Variants in NFIC observed in about 807,000 individuals in gnomAD.
NFIC encodes nuclear factor 1 C-type.
NFIC carries 12 observed loss-of-function variants against 54.4 expected under a neutral mutation model. The ratio of observed to expected loss-of-function variants is 0.22; its 90% CI spans 0.14 to 0.36. NFIC has a LOEUF of 0.36. NFIC is among the 10% of genes least tolerant of loss of function. The pLI, the probability that NFIC is intolerant of heterozygous loss-of-function variation, is 1.00. For missense variants in NFIC, 575 were observed against 718.2 expected, an observed-to-expected ratio of 0.80 and a Z score of 2.28; for synonymous variants, 322 against 319.2, an observed-to-expected ratio of 1.01 and a Z score of -0.09.
At chr19:3,383,670 G>A (rs2145481064) in intron 2 of NFIC, among the ~76,000 whole-genome samples, 2 of 152,302 alleles carry the variant, frequency 1.3e-5, no homozygotes, top group African/African-American at 4.8e-5. Flanking sequence ...GGCCGTGTCT[G>A]GAGCACGCGT....
chr19:3,435,218 T>A lies in NFIC; in HGVS notation c.958+11T>A. 1.3e-6 allele frequency: 2 copies of A among 1,569,640 alleles called. No homozygotes were observed. Among genetic ancestry groups the A allele is most frequent in the African/African-American group, 2.7e-5 (2 of 73,942 alleles). On this transcript the variant is annotated intron_variant, in intron 6 of 10. Coordinates refer to ENST00000443272, the MANE Select transcript of NFIC (RefSeq NM_001245002.2). The stretch of plus-strand genomic sequence containing the variant: ...AGGACATGGAAGGAGGTAGGGCTGG[T>A]GGCGGGGGCGGAGCCGGCCTTCCGG...
intron 1 of NFIC, 43 bp downstream of exon 1, chr19:3,366,709 C>G: frequency 2.3e-6 from 3 of 1,323,696 alleles, no homozygotes; most frequent in Middle Eastern, 2.5e-4. Context: ...CCCGCGCCCC[C>G]CGCATCCCAG....
intron 2 of NFIC, among the ~76,000 whole-genome samples, chr19:3,388,928 CTAGGAGG>C (rs2081339222): frequency 1.3e-5 from 2 of 152,118 alleles, no homozygotes; most frequent in African/African-American, 4.8e-5. Flanking sequence ...TCGCTTGAAC[CTAGGAGG>C]CGGAGGTTGC....
rs534425984 is a variant in NFIC at position 3,452,863 on chromosome 19, C to A, written c.1269+197C>A. 1.3e-5 allele frequency among the ~76,000 whole-genome samples: 2 copies of A among 152,308 alleles called. No individual in the cohort carries two copies. Among genetic ancestry groups the A allele is most frequent in the East Asian group, 3.9e-4 (2 of 5,190 alleles). ...TGCTTTCGGATGTCAGGGTTTCGGG[C>A]GCATCATGTCGCACCCTGTGGGGTC... is the stretch of plus-strand genomic sequence containing the variant. On this transcript the variant is annotated intron_variant, in intron 8 of 10. Coordinates refer to ENST00000443272, the MANE Select transcript of NFIC (RefSeq NM_001245002.2). This position sits in a 1 kb window ranked among gnomAD's most constrained non-coding sequence, Gnocchi z 5.3.
intron 2 of NFIC, among the ~76,000 whole-genome samples, chr19:3,397,745 T>C (rs1304027829): frequency 6.6e-6 from 1 of 152,200 alleles, no homozygotes; most frequent in Non-Finnish European, 1.5e-5. Flanking sequence ...CCCTGGGACA[T>C]GCCCAGGCAG....
intron 2 of NFIC, among the ~76,000 whole-genome samples, chr19:3,383,485 C>T (rs936849093): frequency 3.9e-5 from 6 of 152,162 alleles, no homozygotes; most frequent in South Asian, 2.1e-4. Context: ...TTCTTGGCTG[C>T]GTGGCCCTCT....
chr19:3,427,742 G>T (rs779815919), intron 3 of NFIC, among the ~76,000 whole-genome samples: 14 of 149,222 alleles, frequency 9.4e-5, no homozygotes, highest in African/African-American at 3.5e-4. Flanking sequence ...CAGGAGAATC[G>T]CTTGAACCCA....
intron 1 of NFIC, among the ~76,000 whole-genome samples, chr19:3,379,671 T>G (rs1174285183): frequency 2.0e-5 from 2 of 99,802 alleles, no homozygotes; most frequent in Non-Finnish European, 3.9e-5. Context: ...TTTTATTTCT[T>G]TCTTTTTTTT....
At chr19:3,442,192 C>T (rs1476421763) in intron 6 of NFIC, among the ~76,000 whole-genome samples, 2 of 152,208 alleles carry the variant, frequency 1.3e-5, no homozygotes, top group African/African-American at 4.8e-5. Flanking sequence ...CCGAGGCCTC[C>T]CTGCTTACGC....
At chr19:3,371,881 CTCCTTCCTTCCTTCCTTCCTTCCTTCCT>C (rs758286013) in intron 1 of NFIC, among the ~76,000 whole-genome samples, 1 of 99,832 alleles carries the variant, frequency 1.0e-5, no homozygotes, top group Non-Finnish European at 2.1e-5. Context: ...TTCTTTCTCT[CTCCTTCCTTCCTTCCTTCCTTCCTTCCT>C]TCCTTCCTTC....
In NFIC at chr19:3,452,805, C is replaced by A; in HGVS notation, c.1269+139C>A. The A allele has an allele frequency of 9.4e-7, 1 of 1,065,522 alleles. No individual in the cohort carries two copies. Among genetic ancestry groups the A allele is most frequent in the Non-Finnish European group, 1.3e-6 (1 of 752,580 alleles). 66.0% of individuals were successfully genotyped at this position (1,065,522 alleles called of 1,614,324 possible). A position where few individuals can be genotyped will look rare whatever the true frequency, so the allele number is the denominator to read the frequency against. ...CTCTGAAGTCCCCTCCTCTGTCGTG[C>A]TGGGAGGCAGCTGGATTGGGTCAGA... On this transcript the variant is annotated intron_variant, in intron 8 of 10. Coordinates refer to ENST00000443272, the MANE Select transcript of NFIC (RefSeq NM_001245002.2). This position sits in a 1 kb window ranked among gnomAD's most constrained non-coding sequence, Gnocchi z 5.3.
intron 6 of NFIC, among the ~76,000 whole-genome samples, chr19:3,439,935 G>A (rs779750333): frequency 4.0e-4 from 61 of 151,988 alleles, no homozygotes; most frequent in African/African-American, 1.0e-3. Flanking sequence ...TGATCTGCCC[G>A]CCTCGGCCTC....
At chr19:3,450,671 G>A (rs7257056) in intron 7 of NFIC, among the ~76,000 whole-genome samples, 24,572 of 152,016 alleles carry the variant, frequency 0.16, 5,023 homozygotes, top group African/African-American at 0.48. Context: ...AAACAAAACA[G>A]AACAAACAAA....
At chr19:3,363,040 A>G (rs990806838), upstream of NFIC, among the ~76,000 whole-genome samples, 6 of 151,792 alleles carry the variant, frequency 4.0e-5, no homozygotes, top group African/African-American at 7.3e-5. Context: ...AAAAAATCCA[A>G]TCTTTCTGAT....
At position 3,462,791 on chromosome 19, in the gene NFIC, C is replaced by T; in HGVS notation, c.*22C>T. The T allele has an allele frequency of 1.2e-6, 2 of 1,613,964 alleles. No homozygotes were observed. Among genetic ancestry groups the T allele is most frequent in the Non-Finnish European group, 1.7e-6 (2 of 1,180,000 alleles). On this transcript the variant is annotated 3_prime_UTR_variant, in exon 11 of 11. Transcript: ENST00000443272. The stretch of plus-strand genomic sequence containing the variant: ...ATAGCAAAGGTCTTCTTCCCTCGCC[C>T]CTTCTCCATCGTCCCAGGAATCCCA...
chr19:3,395,876 C>T lies in NFIC; in HGVS notation c.562+13633C>T, dbSNP rs2081454696. Among the ~76,000 whole-genome samples the T allele has an allele frequency of 2.6e-5, 4 of 152,098 alleles. No homozygotes were observed. In the South Asian group the frequency reaches 6.2e-4, roughly 24 times the overall value. On this transcript the variant is annotated intron_variant, in intron 2 of 10. Transcript: ENST00000443272. ...TGTATTTTTAGTAGAGATGGGATTT[C>T]TCCATGTTGGCCAGGCTGGTCTTGA...
chr19:3,454,179 G>A (rs943574964), intron 9 of NFIC: 10 of 1,256,448 alleles, frequency 8.0e-6, no homozygotes, highest in Admixed American at 4.3e-5. Context: ...GGGGGACCCC[G>A]GTGCCCGCCG....
intron 2 of NFIC, among the ~76,000 whole-genome samples, chr19:3,414,035 C>T (rs1030084315): frequency 3.3e-5 from 5 of 152,108 alleles, no homozygotes; most frequent in Non-Finnish European, 5.9e-5. Flanking sequence ...CGCTGTGTCC[C>T]TTGGGCGTCT....
intron 1 of NFIC, among the ~76,000 whole-genome samples, chr19:3,377,947 A>G (rs2081136741): frequency 6.6e-6 from 1 of 151,828 alleles, no homozygotes; most frequent in African/African-American, 2.4e-5. Flanking sequence ...AATTTTCGTA[A>G]AGATAGGGTT....
Sources: allele counts gnomAD v4.1 joint callset (sites outside exome capture counted in the v4.1 genomes callset), GRCh38; gene constraint gnomAD v4.1.1; non-coding constraint Gnocchi (gnomAD v3.1); transcripts MANE v1.5; gene names NCBI Gene and HGNC (gene_info 2026-07-23, HGNC 2026-07-21).